ZNF670: variants seen among roughly 807,000 people sequenced by gnomAD.
The protein encoded by ZNF670 is zinc finger protein 670.
Under a neutral mutation model 10.9 loss-of-function variants are expected in ZNF670, and 7 were observed. The observed-to-expected ratio is 0.64, with a 90% CI of 0.36 to 1.20. The LOEUF (loss-of-function observed/expected upper bound fraction) is 1.20. ZNF670 is among the 50% of genes most tolerant of loss of function. The pLI is 0.02. For synonymous variants in ZNF670, 136 were observed against 152.7 expected (o/e 0.89, Z 0.81); for missense variants, 446 against 458.6 (o/e 0.97, Z 0.25).
intron 1 of ZNF670, among the ~76,000 whole-genome samples, chr1:247,072,840 GCATACACACA>G (rs1671168318): frequency 2.1e-5 from 1 of 48,008 alleles, no homozygotes; most frequent in Admixed American, 2.3e-4. Context: ...ATATATATAT[GCATACACACA>G]CATACACACA....
Position 247,065,443 on chromosome 1 carries a change from T to C in ZNF670, c.3+13151A>G, listed in dbSNP as rs138957164. 4.0e-3 allele frequency among the ~76,000 whole-genome samples: 598 copies of C among 148,290 alleles called. 4 individuals carry two copies. Among genetic ancestry groups the C allele is most frequent in the African/African-American group, 0.014 (535 of 38,890 alleles). ...TGCCCTTCTGTCTTCCAAGTTTTCT[T>C]ATGTGAAAAAATAAAGCCTCCGAAA... is the stretch of plus-strand genomic sequence containing the variant. On this transcript the variant is annotated intron_variant, in intron 1 of 3. Coordinates refer to ENST00000366503, the MANE Select transcript of ZNF670 (RefSeq NM_033213.5).
intron 1 of ZNF670, among the ~76,000 whole-genome samples, chr1:247,071,676 G>C (rs192924580): frequency 6.6e-6 from 1 of 152,078 alleles, no homozygotes; most frequent in Non-Finnish European, 1.5e-5. Context: ...GAATATGAAG[G>C]TAATAAATTA....
chr1:247,061,286 A>G (rs1670854425), intron 1 of ZNF670, among the ~76,000 whole-genome samples: 1 of 151,538 alleles, frequency 6.6e-6, no homozygotes, highest in Non-Finnish European at 1.5e-5. Context: ...GGTTCAAGCA[A>G]TTCTCTGCTT....
At chr1:247,046,689 G>C (rs1229121904) in intron 1 of ZNF670, among the ~76,000 whole-genome samples, 2 of 152,146 alleles carry the variant, frequency 1.3e-5, no homozygotes, top group Non-Finnish European at 2.9e-5. Context: ...CCCACACAGA[G>C]TCCCCACAGT....
At chr1:247,066,495 C>G (rs1054144525) in intron 1 of ZNF670, among the ~76,000 whole-genome samples, 4 of 152,194 alleles carry the variant, frequency 2.6e-5, no homozygotes, top group African/African-American at 9.7e-5. Context: ...TGCAGTGGAG[C>G]ATGGTCATGG....
At chr1:247,071,539 T>C (rs1401887150) in intron 1 of ZNF670, among the ~76,000 whole-genome samples, 1 of 152,228 alleles carries the variant, frequency 6.6e-6, no homozygotes, top group Admixed American at 6.5e-5. Context: ...ACCTGGGTGA[T>C]AAAATCATTT....
At chr1:247,039,347 C>T (rs1360971479) in intron 2 of ZNF670, 64 bp downstream of exon 2, 3 of 1,569,592 alleles carry the variant, frequency 1.9e-6, no homozygotes, top group Non-Finnish European at 2.6e-6. Flanking sequence ...AGGTGTGAGC[C>T]ACCACGCCCA....
chr1:247,065,279 C>G (rs1670955375), intron 1 of ZNF670, among the ~76,000 whole-genome samples: 1 of 152,186 alleles, frequency 6.6e-6, no homozygotes. Flanking sequence ...ACCTACAGTT[C>G]AAAATGAAAA....
chr1:247,065,022 C>T (rs1215476510), intron 1 of ZNF670, among the ~76,000 whole-genome samples: 1 of 151,946 alleles, frequency 6.6e-6, no homozygotes, highest in African/African-American at 2.4e-5. Flanking sequence ...TTGCCCAGCT[C>T]GTCTTGAACT....
At position 247,035,498 on chromosome 1, in the gene ZNF670, A is replaced by G. The variant is rs1406792729; in HGVS notation, c.*1951T>C. Among the ~76,000 whole-genome samples, 2 of 152,186 alleles carry G rather than the reference A, an allele frequency of 1.3e-5. No homozygotes were observed. The highest frequency in any genetic ancestry group is 2.9e-5 in the Non-Finnish European group (2 of 68,042). On this transcript the variant is annotated 3_prime_UTR_variant, in exon 4 of 4. Transcript: ENST00000366503. Reference sequence around the variant, plus strand: ...ATCTGTGGAATGGTAGGCAACTGAAATATGTTAGGCTACAGACTGATAAGA... The same window carrying G: ...ATCTGTGGAATGGTAGGCAACTGAAGTATGTTAGGCTACAGACTGATAAGA...
chr1:247,065,315 T>G (rs1318807382), intron 1 of ZNF670, among the ~76,000 whole-genome samples: 1 of 152,168 alleles, frequency 6.6e-6, no homozygotes, highest in East Asian at 1.9e-4. Flanking sequence ...TTAAACATAT[T>G]CCAAGTTTGA....
At chr1:247,054,427 G>A (rs1424608120) in intron 1 of ZNF670, among the ~76,000 whole-genome samples, 1 of 152,244 alleles carries the variant, frequency 6.6e-6, no homozygotes, top group Non-Finnish European at 1.5e-5. Context: ...CGAGGGAAGA[G>A]TAAAGAGGAC....
At chr1:247,048,730 C>T (rs563062692) in intron 1 of ZNF670, among the ~76,000 whole-genome samples, 1 of 152,044 alleles carries the variant, frequency 6.6e-6, no homozygotes, top group Non-Finnish European at 1.5e-5. Context: ...TGGCAGGAGG[C>T]GAAGGGGAAG....
intron 1 of ZNF670, chr1:247,043,354 T>C: frequency 1.8e-6 from 1 of 557,200 alleles, no homozygotes; most frequent in East Asian, 4.4e-5. Flanking sequence ...GTTGAGTATT[T>C]GAGCCTTGTA....
intron 1 of ZNF670, among the ~76,000 whole-genome samples, chr1:247,070,645 A>G (rs969942026): frequency 2.6e-5 from 4 of 152,208 alleles, no homozygotes; most frequent in African/African-American, 9.6e-5. Flanking sequence ...GACCTAATCA[A>G]ACTAAAGAGC....
chr1:247,072,803 T>A lies in ZNF670; in HGVS notation c.3+5791A>T, dbSNP rs1374626818. Among the ~76,000 whole-genome samples the A allele has an allele frequency of 3.6e-3, 95 of 26,352 alleles. 2 individuals are homozygous for A. Among genetic ancestry groups the A allele is most frequent in the African/African-American group, 0.027 (86 of 3,178 alleles). The allele number at this position is 26,352 out of a possible 152,430, so 17.3% of individuals were successfully genotyped here. Reference sequence around the variant, plus strand: ...ACTCTGTCTCAAAAAAAAAAGTGTGTGTATATATATATATATATATATATA... The same window carrying A: ...ACTCTGTCTCAAAAAAAAAAGTGTGAGTATATATATATATATATATATATA... On this transcript the variant is annotated intron_variant, in intron 1 of 3. Transcript: ENST00000366503.
chr1:247,072,664 G>A (rs934323178), intron 1 of ZNF670, among the ~76,000 whole-genome samples: 37 of 151,082 alleles, frequency 2.4e-4, no homozygotes, highest in African/African-American at 8.2e-4. Flanking sequence ...GTGCATGCCT[G>A]TAATCCCAGC....
intron 1 of ZNF670, among the ~76,000 whole-genome samples, chr1:247,046,146 T>C (rs1053903861): frequency 2.6e-4 from 39 of 152,036 alleles, no homozygotes; most frequent in African/African-American, 9.4e-4. Flanking sequence ...AGCATAAAAG[T>C]TTGGAAAATG....
chr1:247,047,814 G>T (rs1040912928), intron 1 of ZNF670, among the ~76,000 whole-genome samples: 18 of 152,164 alleles, frequency 1.2e-4, no homozygotes, highest in Non-Finnish European at 8.8e-5. Context: ...CTGTACATTG[G>T]TCTCTTTTAG....
Sources: allele counts gnomAD v4.1 joint callset (sites outside exome capture counted in the v4.1 genomes callset), GRCh38; gene constraint gnomAD v4.1.1; transcripts MANE v1.5; gene names NCBI Gene and HGNC (gene_info 2026-07-23, HGNC 2026-07-21).